The following RANGAP1 variants were observed in gnomAD, a reference collection of about 807,000 sequenced individuals.
RANGAP1 encodes Ran GTPase activating protein 1, also known as ran GTPase-activating protein 1.
A neutral mutation model predicts 63.5 loss-of-function variants in RANGAP1; 38 were observed. That is an observed-to-expected ratio of 0.60 (90% CI 0.46 to 0.78). The LOEUF (loss-of-function observed/expected upper bound fraction) is 0.78. Ranked by LOEUF, RANGAP1 falls within the 30% of genes least tolerant of loss-of-function variation. The pLI, the probability that RANGAP1 is intolerant of heterozygous loss-of-function variation, is 0.00. For missense variants in RANGAP1, 630 were observed against 740.3 expected (o/e 0.85, Z 1.73); for synonymous variants, 329 against 310.5 (o/e 1.06, Z -0.63).
At chr22:41,271,224 TAA>T (rs746864052) in intron 3 of RANGAP1, among the ~76,000 whole-genome samples, 21 of 133,468 alleles carry the variant, frequency 1.6e-4, no homozygotes, top group African/African-American at 1.9e-4. Context: ...ACCCCATCAT[TAA>T]AAAAAAAAAA....
At chr22:41,294,773 C>T in the RANGAP1 span, among the ~76,000 whole-genome samples, 5 of 132,538 alleles carry the variant, frequency 3.8e-5, no homozygotes, top group Non-Finnish European at 6.5e-5. Flanking sequence ...CCCCTCCGCC[C>T]GGCAGCCGCC....
chr22:41,249,523 A>G, intron 14 of RANGAP1, 72 bp from the exon 15 acceptor site: 1 of 1,598,940 alleles, frequency 6.3e-7, no homozygotes, highest in East Asian at 2.2e-5. Flanking sequence ...TCCACCATCC[A>G]GACTCTGCTG....
intron 6 of RANGAP1, among the ~76,000 whole-genome samples, chr22:41,260,998 C>T (rs1038568832): frequency 6.6e-6 from 1 of 152,104 alleles, no homozygotes; most frequent in South Asian, 2.1e-4. Flanking sequence ...GATAAGGTCA[C>T]CTGAGAGCAC....
At chr22:41,283,154 C>T (rs1221323974) in intron 1 of RANGAP1, among the ~76,000 whole-genome samples, 2 of 151,006 alleles carry the variant, frequency 1.3e-5, no homozygotes, top group Non-Finnish European at 2.9e-5. Flanking sequence ...GAAGCATAAA[C>T]CCTGACCTCT....
the RANGAP1 span, among the ~76,000 whole-genome samples, chr22:41,300,204 G>C: frequency 6.6e-6 from 1 of 151,930 alleles, no homozygotes; most frequent in Non-Finnish European, 1.5e-5. Context: ...CCCCTTGAAT[G>C]ATGGACAGTC....
chr22:41,279,788 TGA>T (rs2145841941), intron 2 of RANGAP1, among the ~76,000 whole-genome samples: 1 of 115,218 alleles, frequency 8.7e-6, no homozygotes. Flanking sequence ...GGTGGCAGAG[TGA>T]GACTCATCTC....
chr22:41,283,525 A>C (rs1398406413), intron 1 of RANGAP1, among the ~76,000 whole-genome samples: 1 of 152,080 alleles, frequency 6.6e-6, no homozygotes, highest in African/African-American at 2.4e-5. Context: ...ACAAATAACA[A>C]CAACAACAAC....
At chr22:41,283,214 AG>A (rs150478888) in intron 1 of RANGAP1, among the ~76,000 whole-genome samples, 32 of 111,452 alleles carry the variant, frequency 2.9e-4, no homozygotes, top group African/African-American at 8.4e-4. Flanking sequence ...TAAAAAAAAA[AG>A]GGGGGGGTTG....
At position 41,249,771 on chromosome 22, in the gene RANGAP1, G is replaced by T; in HGVS notation, c.1530C>A (p.Asn510Lys). 6.2e-7 allele frequency: 1 copy of T among 1,614,140 alleles called. No individual in the cohort carries two copies. Among genetic ancestry groups the T allele is most frequent in the Non-Finnish European group, 8.5e-7 (1 of 1,179,952 alleles). The change falls in exon 14 of 16, where the codon AAC becomes AAA. Residue 510 changes from asparagine to lysine, a missense_variant. Asn to Lys is a moderately conservative substitution (Grantham distance 94). This residue lies in a region of RANGAP1 where 428 missense variants were observed against 465.5 expected (regional missense o/e 0.92). Coordinates refer to ENST00000356244, the MANE Select transcript of RANGAP1 (RefSeq NM_002883.4). Reference protein sequence around the residue: ...KAFNSSSFNSNTFLTRLLVHM... With the variant: ...KAFNSSSFNSKTFLTRLLVHM... ...GCACGAGCAGCCTGGTGAGGAAGGT[G>T]TTGGAGTTGAAGGACGAGGAGTTGA...
At chr22:41,284,044 C>T (rs544156482) in intron 1 of RANGAP1, among the ~76,000 whole-genome samples, 1 of 151,486 alleles carries the variant, frequency 6.6e-6, no homozygotes, top group Non-Finnish European at 1.5e-5. Context: ...GTCAGGAGAT[C>T]GAGACCATCC....
intron 10 of RANGAP1, 64 bp from the exon 11 acceptor site, chr22:41,254,558 T>C: frequency 6.6e-7 from 1 of 1,512,794 alleles, no homozygotes; most frequent in Non-Finnish European, 8.8e-7. Context: ...CTCTAAGGCC[T>C]GGCTCCATGA....
At chr22:41,256,322 A>G in intron 8 of RANGAP1, 32 bp from the exon 9 acceptor site, 1 of 1,603,328 alleles carries the variant, frequency 6.2e-7, no homozygotes, top group Non-Finnish European at 8.5e-7. Context: ...GGAGGCAGGC[A>G]GAAACCCGGG....
Position 41,252,969 on chromosome 22 carries a change from G to C in RANGAP1, c.1283C>G (p.Ser428Cys). 5.9e-6 allele frequency: 9 copies of C among 1,534,318 alleles called. No individual in the cohort carries two copies. Among genetic ancestry groups the C allele is most frequent in the Non-Finnish European group, 7.0e-6 (8 of 1,143,902 alleles). Reference sequence around the variant, plus strand: ...GGTGGAGACGTCTGCAGGAGGTGGGGAGGACAGCACGGGAGCTGGCTCCTG... The same window carrying C: ...GGTGGAGACGTCTGCAGGAGGTGGGCAGGACAGCACGGGAGCTGGCTCCTG... ...NTGEPAPVLS[S>C]PPPADVSTFL... Residue 428 changes from serine (S) to cysteine (C), a missense_variant, in exon 12 of 16, where the codon TCC becomes TGC. By Grantham distance (112) the Ser-to-Cys change is moderately radical. Around this residue, in one of 3 missense-constraint regions of RANGAP1, gnomAD observed 428 missense variants for 465.5 expected, o/e 0.92. Transcript: ENST00000356244.
At chr22:41,248,917 C>G (rs765719659) in intron 15 of RANGAP1, among the ~76,000 whole-genome samples, 3 of 152,222 alleles carry the variant, frequency 2.0e-5, no homozygotes, top group Non-Finnish European at 2.9e-5. Flanking sequence ...TTGGCCTGCG[C>G]TGCTGTGAAT....
At chr22:41,255,176 G>A (rs2033744087) in intron 10 of RANGAP1, among the ~76,000 whole-genome samples, 2 of 152,126 alleles carry the variant, frequency 1.3e-5, no homozygotes, top group African/African-American at 4.8e-5. Flanking sequence ...AGGTGTGGGG[G>A]AGGAAGAAGA....
chr22:41,246,567 A>G lies in RANGAP1; in HGVS notation c.*36T>C, dbSNP rs778657857. 3 of 1,502,126 alleles carry G rather than the reference A, an allele frequency of 2.0e-6. No homozygotes were observed. The highest frequency in any genetic ancestry group is 3.9e-5 in the Admixed American group (2 of 51,306). The allele number at this position is 1,502,126 out of a possible 1,614,324, so 93.0% of individuals were successfully genotyped here. Reference sequence around the variant, plus strand: ...GTTCATCCGAGTCCCTCCCCAGCTCACTGGTCCAGGCCAAGGGATGGGAGA... The same window carrying G: ...GTTCATCCGAGTCCCTCCCCAGCTCGCTGGTCCAGGCCAAGGGATGGGAGA... On this transcript the variant is annotated 3_prime_UTR_variant, in exon 16 of 16. Transcript: ENST00000356244.
chr22:41,295,100 A>AGCCTCCCCGGCCC, the RANGAP1 span, among the ~76,000 whole-genome samples: 1 of 147,866 alleles, frequency 6.8e-6, no homozygotes, highest in African/African-American at 2.5e-5. Context: ...CCGCCCGGCC[A>AGCCTCCCCGGCCC]GCCTCCCCGT....
chr22:41,285,553 AG>A (rs1286951950), intron 1 of RANGAP1: 2 of 985,350 alleles, frequency 2.0e-6, no homozygotes, highest in Admixed American at 6.1e-5. Flanking sequence ...CATCGATTCC[AG>A]GGACAGCGGC....
intron 15 of RANGAP1, among the ~76,000 whole-genome samples, chr22:41,248,250 C>A (rs2033186215): frequency 6.6e-6 from 1 of 152,204 alleles, no homozygotes; most frequent in Non-Finnish European, 1.5e-5. Flanking sequence ...GAGGCTCTAC[C>A]TAGCACCTGG....
Sources: allele counts gnomAD v4.1 joint callset (sites outside exome capture counted in the v4.1 genomes callset), GRCh38; gene constraint gnomAD v4.1.1; regional missense constraint gnomAD v4.1.1; transcripts MANE v1.5; gene names NCBI Gene and HGNC (gene_info 2026-07-23, HGNC 2026-07-21).